The following POLR3K variants were observed in gnomAD, a reference collection of about 807,000 sequenced individuals.
POLR3K encodes RNA polymerase III subunit K, also known as DNA-directed RNA polymerase III subunit RPC10.
Under a neutral mutation model 13.5 loss-of-function variants are expected in POLR3K, and 11 were observed. That is an observed-to-expected ratio of 0.81 (90% CI 0.51 to 1.35). The LOEUF (loss-of-function observed/expected upper bound fraction) is 1.35. Ranked by LOEUF, POLR3K falls within the 40% of genes most tolerant of loss-of-function variation. The pLI is 0.00. For missense variants in POLR3K, 144 were observed against 145.3 expected (o/e 0.99, Z 0.05); for synonymous variants, 56 against 51.5 (o/e 1.09, Z -0.38).
At chr16:47,950 G>A (rs1897299201) in intron 2 of POLR3K, among the ~76,000 whole-genome samples, 1 of 145,756 alleles carries the variant, frequency 6.9e-6, no homozygotes, top group Admixed American at 6.7e-5. Context: ...GTGCAGTGGG[G>A]CGATCTCAGC....
chr16:53,188 G>A (rs1897358410), intron 1 of POLR3K: 2 of 415,724 alleles, frequency 4.8e-6, no homozygotes, highest in African/African-American at 2.1e-5. Context: ...AGGTTTCTGC[G>A]CACAGCACGG....
rs1461026183 is a variant in POLR3K, at chr16:51,424, A to G, written c.199+134T>C. The G allele has an allele frequency of 1.3e-5, 9 of 713,112 alleles. No homozygotes were observed. The East Asian group carries it at 2.5e-4, about 20-fold the overall frequency. The allele number at this position is 713,112 out of a possible 1,614,324, so 44.2% of individuals were successfully genotyped here. A position where few individuals can be genotyped will look rare whatever the true frequency, so the allele number is the denominator to read the frequency against. On this transcript the variant is annotated intron_variant, in intron 2 of 2. Coordinates refer to ENST00000293860, the MANE Select transcript of POLR3K (RefSeq NM_016310.5). The stretch of plus-strand genomic sequence containing the variant: ...TTATTAAACAGTAACAAATACAAAT[A>G]AATTATTCAAGAACCATTTTCTATT...
intron 2 of POLR3K, among the ~76,000 whole-genome samples, chr16:47,876 G>T (rs1319920040): frequency 7.8e-6 from 1 of 127,910 alleles, no homozygotes; most frequent in Non-Finnish European, 1.6e-5. Context: ...AAAAAAAGTA[G>T]GTATTACTAT....
intron 2 of POLR3K, among the ~76,000 whole-genome samples, chr16:50,166 C>G (rs1423686355): frequency 6.6e-6 from 1 of 152,116 alleles, no homozygotes; most frequent in Non-Finnish European, 1.5e-5. Context: ...ACCGTGTTAG[C>G]CAGGCTGGTC....
intron 1 of POLR3K, among the ~76,000 whole-genome samples, chr16:52,793 A>AAAAAAAAAAAAAAC: frequency 3.8e-5 from 1 of 26,238 alleles, no homozygotes; most frequent in Non-Finnish European, 9.2e-5. Context: ...AAAAAAAAAA[A>AAAAAAAAAAAAAAC]AACAATAAAA....
chr16:48,822 AG>A (rs1182933136), intron 2 of POLR3K, among the ~76,000 whole-genome samples: 1 of 149,304 alleles, frequency 6.7e-6, no homozygotes, highest in Admixed American at 6.7e-5. Context: ...AAAAAAAAAA[AG>A]AATTGAGCAT....
At chr16:49,148 C>CA (rs887039442) in intron 2 of POLR3K, among the ~76,000 whole-genome samples, 10 of 143,176 alleles carry the variant, frequency 7.0e-5, no homozygotes, top group South Asian at 2.2e-4. Context: ...GACTCCATCT[C>CA]AAAAAAAAAG....
intron 2 of POLR3K, among the ~76,000 whole-genome samples, chr16:50,937 G>A (rs951220913): frequency 1.3e-5 from 2 of 152,194 alleles, no homozygotes; most frequent in African/African-American, 2.4e-5. Flanking sequence ...GAATGAGTGC[G>A]AGCAGGGGAA....
At chr16:53,262 G>A (rs1897359167) in intron 1 of POLR3K, 9 of 950,574 alleles carry the variant, frequency 9.5e-6, no homozygotes, top group Non-Finnish European at 1.2e-5. Flanking sequence ...AGAAGGGCGC[G>A]AGCGTGGGAG....
chr16:53,402 G>A, intron 1 of POLR3K, 74 bp downstream of exon 1: 2 of 1,510,336 alleles, frequency 1.3e-6, no homozygotes, highest in African/African-American at 1.4e-5. Flanking sequence ...GGCTGGCGGC[G>A]ATGGAGCAGC....
intron 2 of POLR3K, among the ~76,000 whole-genome samples, chr16:49,231 G>C (rs1476428234): frequency 6.6e-6 from 1 of 151,814 alleles, no homozygotes; most frequent in Non-Finnish European, 1.5e-5. Context: ...CTGAGGTCGG[G>C]AGTTCGTGAC....
intron 2 of POLR3K, among the ~76,000 whole-genome samples, chr16:49,673 C>T (rs1395399021): frequency 6.8e-6 from 1 of 146,658 alleles, no homozygotes; most frequent in East Asian, 2.0e-4. Context: ...GAGTTTTGCT[C>T]CTGTTGCCTG....
At chr16:49,725 C>T (rs184876157) in intron 2 of POLR3K, among the ~76,000 whole-genome samples, 20 of 151,968 alleles carry the variant, frequency 1.3e-4, no homozygotes, top group Admixed American at 1.0e-3. Context: ...CTACAACCTC[C>T]GCCTCACAGG....
At chr16:53,387 G>A (rs1414542781) in intron 1 of POLR3K, 89 bp downstream of exon 1, 3 of 1,488,596 alleles carry the variant, frequency 2.0e-6, no homozygotes, top group South Asian at 2.7e-5. Flanking sequence ...AGAGGCAGAC[G>A]CCGGGGCTGG....
rs761552523 is a variant in POLR3K at position 47,540 on chromosome 16, C to T, written c.217G>A (p.Glu73Lys). 4.3e-6 allele frequency: 7 copies of T among 1,612,716 alleles called. No homozygotes were observed. The highest frequency in any genetic ancestry group is 2.2e-5 in the East Asian group (1 of 44,804). ...TGCATGAAGTAAGCACGAGGATGTT[C>T]GCATTTGGGACACGACTCTGGCAAT... ...DSTAESCPKC[E>K]HPRAYFMQLQ... The change falls in exon 3 of 3, where the codon GAA becomes AAA. Residue 73 changes from glutamate to lysine, a missense_variant. Physicochemically the swap from Glu to Lys is moderately conservative, Grantham distance 56. Transcript: ENST00000293860.
intron 2 of POLR3K, among the ~76,000 whole-genome samples, chr16:48,492 C>G (rs1456652524): frequency 6.6e-6 from 1 of 152,164 alleles, no homozygotes. Context: ...GAAGTAAATG[C>G]TGGGAAAAGC....
intron 2 of POLR3K, among the ~76,000 whole-genome samples, chr16:50,986 T>C (rs1897326111): frequency 1.3e-5 from 2 of 152,260 alleles, no homozygotes; most frequent in East Asian, 3.9e-4. Flanking sequence ...TTGTGAGAAC[T>C]CACTCACTAT....
chr16:48,868 A>G (rs1050651063), intron 2 of POLR3K, among the ~76,000 whole-genome samples: 6 of 114,992 alleles, frequency 5.2e-5, no homozygotes, highest in Admixed American at 2.6e-4. Context: ...AAAAGAAGAG[A>G]AGAGGCCGGG....
intron 2 of POLR3K, among the ~76,000 whole-genome samples, chr16:48,429 T>C (rs1056626121): frequency 6.6e-6 from 1 of 152,208 alleles, no homozygotes; most frequent in Non-Finnish European, 1.5e-5. Flanking sequence ...CATTTTGTGC[T>C]GCTGTAACAA....
Sources: allele counts gnomAD v4.1 joint callset (sites outside exome capture counted in the v4.1 genomes callset), GRCh38; gene constraint gnomAD v4.1.1; transcripts MANE v1.5; gene names NCBI Gene and HGNC (gene_info 2026-07-23, HGNC 2026-07-21).